The following MGMT variants were observed in gnomAD, a reference collection of about 807,000 sequenced individuals.
MGMT encodes the protein methylated-DNA--protein-cysteine methyltransferase.
MGMT carries 14 observed loss-of-function variants against 15.9 expected under a neutral mutation model. The observed-to-expected ratio is 0.88, with a 90% CI of 0.58 to 1.37. The LOEUF (loss-of-function observed/expected upper bound fraction) is 1.37, where lower values mean the gene tolerates loss of function less well. Ranked by LOEUF, MGMT falls within the 40% of genes most tolerant of loss-of-function variation. MGMT has a pLI of 0.00. For synonymous variants in MGMT, 130 were observed against 118.2 expected, an observed-to-expected ratio of 1.10 and a Z score of -0.65; for missense variants, 282 against 268.1, an observed-to-expected ratio of 1.05 and a Z score of -0.36.
At chr10:129,473,664 A>G (rs1845257108) in intron 1 of MGMT, among the ~76,000 whole-genome samples, 2 of 151,734 alleles carry the variant, frequency 1.3e-5, no homozygotes, top group African/African-American at 4.8e-5. Context: ...GTAAACAGAC[A>G]CAGACCTGTT....
rs1450473123 is a variant in MGMT at position 129,659,426 on chromosome 10, T to A, written c.126-48469T>A. ...GGGTTGTTTTCTAAATGCGTTTGGCTGGAGATAGAACAGATCCTGCCTCTA... is the reference window on the plus strand; with the variant it reads ...GGGTTGTTTTCTAAATGCGTTTGGCAGGAGATAGAACAGATCCTGCCTCTA... On this transcript the variant is annotated intron_variant, in intron 2 of 4. Transcript: ENST00000651593. This position sits in a 1 kb window ranked among gnomAD's most constrained non-coding sequence, Gnocchi z 4.1. Among the ~76,000 whole-genome samples, 1 of 151,914 alleles carries A rather than the reference T, an allele frequency of 6.6e-6. No homozygotes were observed. The highest frequency in any genetic ancestry group is 2.4e-5 in the African/African-American group (1 of 41,302).
At chr10:129,751,340 T>A (rs909947051) in intron 3 of MGMT, among the ~76,000 whole-genome samples, 1 of 152,008 alleles carries the variant, frequency 6.6e-6, no homozygotes, top group Admixed American at 6.5e-5. Context: ...CCTTATTATC[T>A]CTTTAATATC....
At chr10:129,661,413 G>A (rs564678019) in intron 2 of MGMT, among the ~76,000 whole-genome samples, 11 of 152,176 alleles carry the variant, frequency 7.2e-5, no homozygotes, top group South Asian at 2.1e-4. Context: ...TAATAAAGAC[G>A]CGTCCATTTC....
At chr10:129,512,002 T>C (rs1303109167) in intron 1 of MGMT, among the ~76,000 whole-genome samples, 2 of 152,214 alleles carry the variant, frequency 1.3e-5, no homozygotes, top group African/African-American at 4.8e-5. Context: ...TAAAGCCGCC[T>C]AGCTCAGGGC....
At chr10:129,529,663 T>A (rs1000673032) in intron 1 of MGMT, among the ~76,000 whole-genome samples, 14 of 117,718 alleles carry the variant, frequency 1.2e-4, no homozygotes, top group African/African-American at 4.8e-4. Flanking sequence ...TAATCTTTAT[T>A]TTTTTAACTC....
At chr10:129,599,050 G>T (rs1846786195) in intron 2 of MGMT, among the ~76,000 whole-genome samples, 1 of 152,200 alleles carries the variant, frequency 6.6e-6, no homozygotes, top group Non-Finnish European at 1.5e-5. Flanking sequence ...TGAATTTAAA[G>T]GAGTTTAATT....
intron 2 of MGMT, among the ~76,000 whole-genome samples, chr10:129,613,674 T>C (rs762781561): frequency 5.3e-5 from 8 of 152,268 alleles, no homozygotes; most frequent in Admixed American, 1.3e-4. Flanking sequence ...ACCATTTAAA[T>C]GAGCCTCCCT....
intron 2 of MGMT, among the ~76,000 whole-genome samples, chr10:129,571,350 G>A (rs1205466671): frequency 6.6e-6 from 1 of 152,160 alleles, no homozygotes; most frequent in Non-Finnish European, 1.5e-5. Flanking sequence ...TGAAATATAT[G>A]AATTCATTAT....
At chr10:129,584,229 A>G (rs915635975) in intron 2 of MGMT, among the ~76,000 whole-genome samples, 2 of 152,144 alleles carry the variant, frequency 1.3e-5, no homozygotes, top group African/African-American at 4.8e-5. Context: ...GAGGGGCACC[A>G]TTTGGTTTGT....
intron 1 of MGMT, among the ~76,000 whole-genome samples, chr10:129,534,064 C>T (rs1288177707): frequency 6.6e-6 from 1 of 152,150 alleles, no homozygotes; most frequent in African/African-American, 2.4e-5. Flanking sequence ...CATACGTTCC[C>T]TCTAAACTCG....
Position 129,533,812 on chromosome 10 carries a change from G to A in MGMT, c.-12-2429G>A, listed in dbSNP as rs1291905824. 1.3e-5 allele frequency among the ~76,000 whole-genome samples: 2 copies of A among 152,178 alleles called. No individual in the cohort carries two copies. Among genetic ancestry groups the A allele is most frequent in the Non-Finnish European group, 2.9e-5 (2 of 68,036 alleles). On this transcript the variant is annotated intron_variant, in intron 1 of 4. Transcript: ENST00000651593. This position sits in a 1 kb window ranked among gnomAD's most constrained non-coding sequence, Gnocchi z 4.5. ...CCGGGATGGTGGGAGATGTCTGCAG[G>A]CGCAGGGCGGAGGCTGTGGGCCAAG...
At chr10:129,760,799 A>G (rs1169991716) in intron 4 of MGMT, among the ~76,000 whole-genome samples, 2 of 152,194 alleles carry the variant, frequency 1.3e-5, no homozygotes, top group African/African-American at 2.4e-5. Flanking sequence ...GAGATACCAC[A>G]GGGACAGCCA....
intron 2 of MGMT, among the ~76,000 whole-genome samples, chr10:129,703,845 C>T (rs1848127229): frequency 6.6e-6 from 1 of 152,122 alleles, no homozygotes; most frequent in Non-Finnish European, 1.5e-5. Context: ...TGAGCTCTTG[C>T]TGCAGGAGGT....
intron 2 of MGMT, among the ~76,000 whole-genome samples, chr10:129,558,054 C>T (rs1031526754): frequency 1.3e-5 from 2 of 152,176 alleles, no homozygotes; most frequent in Non-Finnish European, 2.9e-5. Context: ...TACCTTGGCC[C>T]CCGTAACACC....
chr10:129,758,352 C>T (rs1170380569), intron 3 of MGMT, among the ~76,000 whole-genome samples: 1 of 152,118 alleles, frequency 6.6e-6, no homozygotes, highest in Non-Finnish European at 1.5e-5. Context: ...GGGCTGGAGC[C>T]CCTGCGATGG....
At chr10:129,595,472 G>A (rs1846740581) in intron 2 of MGMT, among the ~76,000 whole-genome samples, 1 of 152,118 alleles carries the variant, frequency 6.6e-6, no homozygotes, top group African/African-American at 2.4e-5. Flanking sequence ...GAAAACAAAG[G>A]TGTCTGATCC....
intron 2 of MGMT, among the ~76,000 whole-genome samples, chr10:129,672,439 T>A (rs1240922005): frequency 2.0e-5 from 3 of 152,200 alleles, no homozygotes; most frequent in African/African-American, 7.2e-5. Flanking sequence ...TTATTTTTGC[T>A]CCATTCCCTT....
At chr10:129,486,932 C>T (rs1845415195) in intron 1 of MGMT, among the ~76,000 whole-genome samples, 1 of 152,204 alleles carries the variant, frequency 6.6e-6, no homozygotes. Context: ...GGACTTTAAT[C>T]AGTTAAATGT....
At chr10:129,549,417 C>T (rs996901548) in intron 2 of MGMT, among the ~76,000 whole-genome samples, 2 of 152,168 alleles carry the variant, frequency 1.3e-5, no homozygotes, top group Non-Finnish European at 2.9e-5. Flanking sequence ...TTTATAGTTG[C>T]ATTTTTAGCC....
Sources: allele counts gnomAD v4.1 joint callset (sites outside exome capture counted in the v4.1 genomes callset), GRCh38; gene constraint gnomAD v4.1.1; non-coding constraint Gnocchi (gnomAD v3.1); transcripts MANE v1.5; gene names NCBI Gene and HGNC (gene_info 2026-07-23, HGNC 2026-07-21).